IGF2BP3: variants seen among roughly 807,000 people sequenced by gnomAD.
IGF2BP3 encodes insulin like growth factor 2 mRNA binding protein 3, also known as insulin-like growth factor 2 mRNA-binding protein 3.
IGF2BP3 carries 9 observed loss-of-function variants against 73.8 expected under a neutral mutation model. The observed-to-expected ratio is 0.12, with a 90% CI of 0.07 to 0.21. The LOEUF is 0.21. IGF2BP3 is among the 10% of genes least tolerant of loss of function. The pLI, the probability that IGF2BP3 is intolerant of heterozygous loss-of-function variation, is 1.00. For synonymous variants in IGF2BP3, 258 were observed against 256.7 expected (o/e 1.01, Z -0.05); for missense variants, 542 against 714.0 (o/e 0.76, Z 2.75).
intron 2 of IGF2BP3, among the ~76,000 whole-genome samples, chr7:23,438,760 A>G (rs1787862924): frequency 6.6e-6 from 1 of 152,210 alleles, no homozygotes; most frequent in African/African-American, 2.4e-5. Context: ...GTCCTTTAAA[A>G]CTTCAGTAAC....
intron 5 of IGF2BP3, among the ~76,000 whole-genome samples, chr7:23,358,137 T>C (rs1323897811): frequency 6.6e-6 from 1 of 152,238 alleles, no homozygotes; most frequent in Non-Finnish European, 1.5e-5. Flanking sequence ...ACTACAGTTA[T>C]TCCCATTTTA....
At chr7:23,382,956 G>A (rs1441832785) in intron 3 of IGF2BP3, among the ~76,000 whole-genome samples, 1 of 146,496 alleles carries the variant, frequency 6.8e-6, no homozygotes, top group Non-Finnish European at 1.5e-5. Context: ...ACCTACAGAT[G>A]CAGCTTCTTG....
intron 7 of IGF2BP3, among the ~76,000 whole-genome samples, 155 bp downstream of exon 7, chr7:23,347,445 C>G (rs142963491): frequency 2.0e-5 from 3 of 152,176 alleles, no homozygotes; most frequent in Non-Finnish European, 4.4e-5. Flanking sequence ...AAAAGACATA[C>G]ACTTCACAAC....
chr7:23,454,628 T>A (rs567564504), intron 2 of IGF2BP3, among the ~76,000 whole-genome samples: 5 of 152,270 alleles, frequency 3.3e-5, no homozygotes, highest in African/African-American at 1.2e-4. Context: ...AAAACAGAAA[T>A]CTCAGAGTTT....
chr7:23,356,735 G>A (rs1331293375), intron 5 of IGF2BP3, among the ~76,000 whole-genome samples: 3 of 152,114 alleles, frequency 2.0e-5, no homozygotes, highest in Non-Finnish European at 4.4e-5. Flanking sequence ...TTGACAATTT[G>A]GCAATCATTA....
At chr7:23,458,328 G>A (rs575692914) in intron 2 of IGF2BP3, among the ~76,000 whole-genome samples, 1 of 151,984 alleles carries the variant, frequency 6.6e-6, no homozygotes, top group East Asian at 1.9e-4. Flanking sequence ...GTTCAACAAA[G>A]ACACATGTGG....
At chr7:23,315,780 C>T (rs531795770) in intron 12 of IGF2BP3, among the ~76,000 whole-genome samples, 21 of 152,232 alleles carry the variant, frequency 1.4e-4, no homozygotes, top group Middle Eastern at 3.4e-3. Flanking sequence ...AGGAAAAATA[C>T]GGGGTAGGTG....
intron 3 of IGF2BP3, chr7:23,413,928 A>C (rs1787109140): frequency 6.6e-6 from 1 of 152,242 alleles, no homozygotes; most frequent in Non-Finnish European, 1.5e-5. Flanking sequence ...CAAGGCGGGC[A>C]GATCACAAGG....
intron 10 of IGF2BP3, among the ~76,000 whole-genome samples, chr7:23,341,101 C>T (rs140923552): frequency 0.015 from 2,273 of 152,154 alleles, 54 homozygotes; most frequent in African/African-American, 0.047. Flanking sequence ...CCTCCCGCCT[C>T]GGCCTCCCAA....
chr7:23,318,999 T>C (rs1784065183), intron 11 of IGF2BP3, 139 bp downstream of exon 11: 2 of 621,042 alleles, frequency 3.2e-6, no homozygotes, highest in Non-Finnish European at 2.8e-6. Context: ...TAAGCCACTG[T>C]TGTTTGGGGG....
At chr7:23,323,362 A>G (rs576845888) in intron 10 of IGF2BP3, among the ~76,000 whole-genome samples, 2,738 of 144,236 alleles carry the variant, frequency 0.019, 83 homozygotes, top group African/African-American at 0.066. Flanking sequence ...TTCAACAAGA[A>G]GAGCTAACTA....
intron 2 of IGF2BP3, among the ~76,000 whole-genome samples, chr7:23,432,111 G>A (rs375321150): frequency 3.9e-5 from 6 of 152,178 alleles, no homozygotes; most frequent in Admixed American, 2.0e-4. Context: ...TTTTAGTCCC[G>A]TTAACTAAAA....
chr7:23,431,409 A>G (rs927378237), intron 2 of IGF2BP3: 2 of 152,222 alleles, frequency 1.3e-5, no homozygotes, highest in Non-Finnish European at 2.9e-5. Context: ...GTTTAGCAGA[A>G]GAAACTAGAT....
At chr7:23,342,281 G>A (rs1784732857) in intron 9 of IGF2BP3, 92 bp from the exon 10 acceptor site, 1 of 1,351,180 alleles carries the variant, frequency 7.4e-7, no homozygotes, top group Non-Finnish European at 1.0e-6. Context: ...CTGATCTCTT[G>A]TCTAATAAAG....
intron 2 of IGF2BP3, among the ~76,000 whole-genome samples, chr7:23,438,179 C>T (rs913817438): frequency 6.6e-6 from 1 of 152,138 alleles, no homozygotes; most frequent in Non-Finnish European, 1.5e-5. Flanking sequence ...AAGTGCAGTG[C>T]CACGATCTCG....
chr7:23,395,293 C>A (rs970768894), intron 3 of IGF2BP3, among the ~76,000 whole-genome samples: 3 of 152,030 alleles, frequency 2.0e-5, no homozygotes, highest in Non-Finnish European at 4.4e-5. Context: ...GTAACCAGAT[C>A]AAGATAAAAC....
Position 23,470,428 on chromosome 7 carries a change from A to G in IGF2BP3, c.-318T>C, listed in dbSNP as rs1298245068. 5.7e-6 allele frequency: 1 copy of G among 175,486 alleles called. No individual in the cohort carries two copies. Among genetic ancestry groups the G allele is most frequent in the Non-Finnish European group, 1.2e-5 (1 of 83,710 alleles). The allele number at this position is 175,486 out of a possible 1,614,324, so 10.9% of individuals were successfully genotyped here. ...AGGAGGAGGAGGAGGGGAAAAAACT[A>G]CTTTTTGTCTCTTCCTTCCCAACCC... On this transcript the variant is annotated 5_prime_UTR_variant, in exon 1 of 15. Coordinates refer to ENST00000258729, the MANE Select transcript of IGF2BP3 (RefSeq NM_006547.3).
intron 3 of IGF2BP3, among the ~76,000 whole-genome samples, chr7:23,395,435 T>C (rs1786421695): frequency 6.6e-6 from 1 of 152,050 alleles, no homozygotes; most frequent in South Asian, 2.1e-4. Flanking sequence ...AAAACATTTG[T>C]AAGAACTTCA....
At chr7:23,330,546 T>A (rs1399986256) in intron 10 of IGF2BP3, among the ~76,000 whole-genome samples, 1 of 151,938 alleles carries the variant, frequency 6.6e-6, no homozygotes, top group Non-Finnish European at 1.5e-5. Context: ...ATCATCAAAA[T>A]GCTAAAAAGG....
Sources: allele counts gnomAD v4.1 joint callset (sites outside exome capture counted in the v4.1 genomes callset), GRCh38; gene constraint gnomAD v4.1.1; transcripts MANE v1.5; gene names NCBI Gene and HGNC (gene_info 2026-07-23, HGNC 2026-07-21).